DCC: variants seen among roughly 807,000 people sequenced by gnomAD.
The protein encoded by DCC is netrin receptor DCC.
Under a neutral mutation model 172.5 loss-of-function variants are expected in DCC, and 58 were observed. The observed-to-expected ratio is 0.34, with a 90% CI of 0.27 to 0.42. The LOEUF is 0.42. DCC is among the 10% of genes least tolerant of loss of function. The probability of loss-of-function intolerance (pLI) is 1.00; values close to 1 mark genes in which losing one functional copy is unlikely to be tolerated. For synonymous variants in DCC, 709 were observed against 644.5 expected, an observed-to-expected ratio of 1.10 and a Z score of -1.52; for missense variants, 1,740 against 1,791.0, an observed-to-expected ratio of 0.97 and a Z score of 0.51.
chr18:53,408,444 T>G (rs1222129038), intron 19 of DCC, among the ~76,000 whole-genome samples: 1 of 152,178 alleles, frequency 6.6e-6, no homozygotes, highest in African/African-American at 2.4e-5. Flanking sequence ...CACAAAGTAT[T>G]CTCCATTGGG....
chr18:52,700,283 C>G (rs2036095924), intron 1 of DCC, among the ~76,000 whole-genome samples: 2 of 82,550 alleles, frequency 2.4e-5, no homozygotes, highest in Admixed American at 2.1e-4. Context: ...CACACATGCA[C>G]ACACATGCAC....
At chr18:53,067,599 C>A (rs747289954) in intron 7 of DCC, among the ~76,000 whole-genome samples, 4 of 152,084 alleles carry the variant, frequency 2.6e-5, no homozygotes, top group Non-Finnish European at 5.9e-5. Context: ...AACACAATTT[C>A]TTGGGAGGAG....
At chr18:53,055,303 T>C (rs2144052048) in intron 5 of DCC, among the ~76,000 whole-genome samples, 1 of 152,278 alleles carries the variant, frequency 6.6e-6, no homozygotes, top group Non-Finnish European at 1.5e-5. Context: ...TTTACTTTCA[T>C]TTGAGAAAAC....
intron 2 of DCC, among the ~76,000 whole-genome samples, chr18:52,763,393 T>C (rs2037193261): frequency 6.6e-6 from 1 of 152,246 alleles, no homozygotes; most frequent in South Asian, 2.1e-4. Context: ...ATAATTAGTA[T>C]TTCTTTGATG....
intron 1 of DCC, among the ~76,000 whole-genome samples, chr18:52,706,861 G>T (rs1294796839): frequency 2.0e-5 from 3 of 152,160 alleles, no homozygotes; most frequent in East Asian, 1.9e-4. Context: ...GGTGTCCTGA[G>T]CCCAAGGTGT....
chr18:53,395,041 T>C (rs7236538), intron 17 of DCC, among the ~76,000 whole-genome samples: 7,055 of 151,670 alleles, frequency 0.047, 550 homozygotes, highest in African/African-American at 0.16. Context: ...TCCCAGCTAC[T>C]TGGGAGGCTG....
At chr18:53,322,777 A>T (rs944201198) in intron 14 of DCC, among the ~76,000 whole-genome samples, 2 of 151,914 alleles carry the variant, frequency 1.3e-5, no homozygotes, top group African/African-American at 4.8e-5. Flanking sequence ...AAATAAAAAC[A>T]TCATGACTAA....
chr18:52,421,823 G>C (rs1987259923), intron 1 of DCC, among the ~76,000 whole-genome samples: 1 of 152,130 alleles, frequency 6.6e-6, no homozygotes, highest in African/African-American at 2.4e-5. Flanking sequence ...TTTTGTTTTA[G>C]TGATCCTTGT....
chr18:53,511,976 A>AGCCT (rs918774858), intron 27 of DCC, among the ~76,000 whole-genome samples: 4 of 152,128 alleles, frequency 2.6e-5, no homozygotes, highest in African/African-American at 9.7e-5. Flanking sequence ...AGCTCAAGGA[A>AGCCT]GCCTGCCTGC....
At chr18:53,252,397 G>T (rs191765300) in intron 12 of DCC, among the ~76,000 whole-genome samples, 1 of 151,936 alleles carries the variant, frequency 6.6e-6, no homozygotes, top group East Asian at 1.9e-4. Context: ...GGGTTTAGGT[G>T]GTTCATGTGA....
At chr18:52,751,799 C>T (rs1214322854) in intron 1 of DCC, among the ~76,000 whole-genome samples, 1 of 151,846 alleles carries the variant, frequency 6.6e-6, no homozygotes, top group South Asian at 2.1e-4. Flanking sequence ...AATAAGCATG[C>T]CAGGATTTAT....
chr18:53,001,170 T>G lies in DCC; in HGVS notation c.986-62135T>G, dbSNP rs1388558645. ...CAGACTTGACTGATTAATCACGCTT[T>G]TATCCCTGGGGTTTCTATTATTTTG... is the stretch of plus-strand genomic sequence containing the variant. On this transcript the variant is annotated intron_variant, in intron 5 of 28. Coordinates refer to ENST00000442544, the MANE Select transcript of DCC (RefSeq NM_005215.4). 2.0e-5 allele frequency among the ~76,000 whole-genome samples: 3 copies of G among 152,104 alleles called. No homozygotes were observed. In the East Asian group the frequency reaches 5.8e-4, roughly 29 times the overall value.
chr18:52,936,717 A>G (rs896586995), intron 5 of DCC, among the ~76,000 whole-genome samples: 3 of 152,164 alleles, frequency 2.0e-5, no homozygotes, highest in Non-Finnish European at 2.9e-5. Flanking sequence ...AAAGCTGCCC[A>G]AGAGGGCATT....
intron 5 of DCC, among the ~76,000 whole-genome samples, chr18:53,054,922 T>A (rs1426436207): frequency 6.6e-6 from 1 of 152,156 alleles, no homozygotes; most frequent in African/African-American, 2.4e-5. Context: ...GATAGCAGAA[T>A]AGCTTACTAT....
chr18:53,196,584 T>C (rs2144525500), intron 9 of DCC, among the ~76,000 whole-genome samples: 1 of 152,280 alleles, frequency 6.6e-6, no homozygotes, highest in African/African-American at 2.4e-5. Flanking sequence ...TGAAGTTTTT[T>C]TCTATTAAGC....
chr18:52,462,608 A>G (rs1988666553), intron 1 of DCC, among the ~76,000 whole-genome samples: 1 of 151,678 alleles, frequency 6.6e-6, no homozygotes, highest in Admixed American at 6.6e-5. Flanking sequence ...CAAAACTACA[A>G]TCCTCTCCCA....
rs532188333 is a variant in DCC at position 53,486,940 on chromosome 18, G to A, written c.3880G>A (p.Gly1294Arg). Residue 1294 changes from glycine to arginine, a missense_variant, in exon 26 of 29, where the codon GGA (glycine) becomes AGA (arginine). This residue lies in a region of DCC where 1,732 missense variants were observed against 1,767.4 expected (regional missense o/e 0.98). Coordinates refer to ENST00000442544, the MANE Select transcript of DCC (RefSeq NM_005215.4). Reference sequence around the variant, plus strand: ...AACACTCTCAGTGGACCGAGGTTTCGGAGCAGGAAGAAGTCAGTGTAATGC... The same window carrying A: ...AACACTCTCAGTGGACCGAGGTTTCAGAGCAGGAAGAAGTCAGTGTAATGC... ...FPTLSVDRGF[G>R]AGRSQSVSEG... 147 of 1,614,018 alleles carry A rather than the reference G, an allele frequency of 9.1e-5. No individual in the cohort carries two copies. The highest frequency in any genetic ancestry group is 1.6e-4 in the Middle Eastern group (1 of 6,078).
chr18:53,090,732 A>AAAAAAAAAAAAAAAAAAAAATAAT (rs1568298492), intron 7 of DCC, among the ~76,000 whole-genome samples: 2 of 129,156 alleles, frequency 1.5e-5, no homozygotes, highest in Non-Finnish European at 3.3e-5. Flanking sequence ...AAAAAAAAAA[A>AAAAAAAAAAAAAAAAAAAAATAAT]AAGAATGTAT....
At chr18:53,243,921 T>G (rs2056335990) in intron 12 of DCC, among the ~76,000 whole-genome samples, 1 of 152,190 alleles carries the variant, frequency 6.6e-6, no homozygotes, top group South Asian at 2.1e-4. Flanking sequence ...GCTTATGAAC[T>G]GTCCTCAGAA....
Sources: gnomAD v4.1 joint callset for allele counts (sites outside exome capture counted in the v4.1 genomes callset) on GRCh38, gnomAD v4.1.1 for gene constraint, gnomAD v4.1.1 regional missense constraint, MANE v1.5 for transcripts, NCBI Gene and HGNC (gene_info 2026-07-23, HGNC 2026-07-21) for gene names.